ZFP1: variants seen among roughly 807,000 people sequenced by gnomAD.
ZFP1 encodes the protein zinc finger protein 1 homolog.
In ZFP1, 32 loss-of-function variants were observed where a neutral mutation model predicts 38.5. That is an observed-to-expected ratio of 0.83 (90% CI 0.63 to 1.12). The LOEUF (loss-of-function observed/expected upper bound fraction) is 1.12. Among genes scored for constraint, ZFP1 ranks in the 50% most tolerant of loss-of-function variants. The pLI is 0.00. For missense variants in ZFP1, 616 were observed against 480.8 expected (o/e 1.28, Z -2.63); for synonymous variants, 245 against 168.8 (o/e 1.45, Z -3.50).
At chr16:75,127,581 A>G in the ZFP1 span, among the ~76,000 whole-genome samples, 1 of 152,140 alleles carries the variant, frequency 6.6e-6, no homozygotes, top group African/African-American at 2.4e-5. Flanking sequence ...TCAGCCTCCC[A>G]AAGTGCTGAA....
the ZFP1 span, among the ~76,000 whole-genome samples, chr16:75,124,170 T>TC: frequency 6.6e-6 from 1 of 151,560 alleles, no homozygotes; most frequent in East Asian, 2.0e-4. Context: ...ATTGAAAGTT[T>TC]TTTTTTTTTG....
At chr16:75,164,706 GT>G in intron 2 of ZFP1, among the ~76,000 whole-genome samples, 1 of 152,138 alleles carries the variant, frequency 6.6e-6, no homozygotes, top group East Asian at 1.9e-4. Flanking sequence ...GCTAAGAATG[GT>G]TTTTAATTTT....
intron 1 of ZFP1, chr16:75,148,953 C>A (rs1388949169): frequency 6.6e-6 from 1 of 151,936 alleles, no homozygotes; most frequent in African/African-American, 2.4e-5. Flanking sequence ...GGAGCGAGTT[C>A]TGGAGCCCCG....
chr16:75,124,011 T>G, the ZFP1 span, among the ~76,000 whole-genome samples: 1 of 151,462 alleles, frequency 6.6e-6, no homozygotes, highest in Non-Finnish European at 1.5e-5. Context: ...GGAGAATCAC[T>G]TGAACCCAGG....
At chr16:75,161,997 C>T (rs1268913673) in intron 2 of ZFP1, among the ~76,000 whole-genome samples, 1 of 150,774 alleles carries the variant, frequency 6.6e-6, no homozygotes, top group East Asian at 2.0e-4. Flanking sequence ...GTTGGCCAGG[C>T]TGGTCTCGAA....
the ZFP1 span, chr16:75,127,817 GT>G: frequency 6.6e-6 from 1 of 152,100 alleles, no homozygotes; most frequent in Non-Finnish European, 1.5e-5. Flanking sequence ...GCTGATCTTT[GT>G]TTTGCTTTTC....
the ZFP1 span, among the ~76,000 whole-genome samples, chr16:75,142,703 T>C: frequency 6.6e-6 from 1 of 152,320 alleles, no homozygotes; most frequent in South Asian, 2.1e-4. Context: ...TGTTATTTTA[T>C]CTATATTTTT....
chr16:75,150,269 C>T (rs570491185), intron 1 of ZFP1, among the ~76,000 whole-genome samples: 4 of 147,262 alleles, frequency 2.7e-5, no homozygotes, highest in Non-Finnish European at 5.9e-5. Context: ...AGTGCAGTAG[C>T]GAGATCTCGG....
At chr16:75,149,543 CTT>C (rs894936420) in intron 1 of ZFP1, among the ~76,000 whole-genome samples, 51 of 131,120 alleles carry the variant, frequency 3.9e-4, no homozygotes, top group African/African-American at 1.3e-3. Flanking sequence ...TGTACCGTTT[CTT>C]TTCTTTACTT....
At position 75,171,337 on chromosome 16, in the gene ZFP1, AC is replaced by A. The variant is rs2038422590; in HGVS notation, c.*1004del. 1 of 152,184 alleles carries A rather than the reference AC, an allele frequency of 6.6e-6. No homozygotes were observed. Among genetic ancestry groups the A allele is most frequent in the Admixed American group, 6.5e-5 (1 of 15,268 alleles). The allele number at this position is 152,184 out of a possible 1,614,324, so 9.4% of individuals were successfully genotyped here. On this transcript the variant is annotated 3_prime_UTR_variant, in exon 4 of 4. Transcript: ENST00000570010. Reference sequence around the variant, plus strand: ...TTTAGAGGAAAAATTATTTTAAATAACTGTCAACTGTTTCATTGCTTTTTAA... The same window carrying A: ...TTTAGAGGAAAAATTATTTTAAATAATGTCAACTGTTTCATTGCTTTTTAA...
chr16:75,130,760 G>C, the ZFP1 span, among the ~76,000 whole-genome samples: 1 of 151,894 alleles, frequency 6.6e-6, no homozygotes, highest in African/African-American at 2.4e-5. Context: ...TGCCTGCCTA[G>C]CTACCTACCG....
At chr16:75,135,187 G>A in the ZFP1 span, among the ~76,000 whole-genome samples, 3 of 111,080 alleles carry the variant, frequency 2.7e-5, no homozygotes, top group African/African-American at 7.2e-5. Flanking sequence ...TCCAGCCTGG[G>A]TGACAGAGTG....
intron 2 of ZFP1, among the ~76,000 whole-genome samples, chr16:75,159,282 C>G (rs1361022319): frequency 6.7e-5 from 7 of 104,648 alleles, no homozygotes; most frequent in African/African-American, 1.6e-4. Context: ...CCTCACTTCC[C>G]TTCCTTCCCT....
rs775977714 is a variant in ZFP1 at position 75,170,067 on chromosome 16, G to A, written c.957G>A (p.Thr319=). 5.6e-6 allele frequency: 9 copies of A among 1,614,074 alleles called. No individual in the cohort carries two copies. The highest frequency in any genetic ancestry group is 1.1e-5 in the South Asian group (1 of 91,082). The part of the protein sequence containing the change: ...SNLIIHQKIH[T]GEKRYECSEC... Reference sequence around the variant, plus strand: ...TTATCATACATCAGAAGATTCACACGGGGGAGAAACGCTATGAGTGCAGTG... The same window carrying A: ...TTATCATACATCAGAAGATTCACACAGGGGAGAAACGCTATGAGTGCAGTG... The change falls in exon 4 of 4, where the codon ACG becomes ACA. Residue 319 remains threonine (T), a synonymous_variant. Transcript: ENST00000570010.
intron 3 of ZFP1, among the ~76,000 whole-genome samples, chr16:75,167,420 TATAG>T (rs2038155197): frequency 1.3e-5 from 2 of 152,240 alleles, no homozygotes; most frequent in Admixed American, 1.3e-4. Context: ...TGTTTAATCT[TATAG>T]ATATTTGCCT....
chr16:75,138,150 C>A, the ZFP1 span, among the ~76,000 whole-genome samples: 1 of 149,942 alleles, frequency 6.7e-6, no homozygotes, highest in African/African-American at 2.5e-5. Flanking sequence ...GATTCTCCTG[C>A]CTCAGCCTCT....
chr16:75,166,855 T>C lies in ZFP1; in HGVS notation c.101T>C (p.Met34Thr), dbSNP rs780246252. ...GACCCCTCTCAGAGGATCCTATACA[T>C]GGATGTGATGCTGGAGAATTATAGC... ...QLDPSQRILYMDVMLENYSNL... is the reference protein window; with the variant it reads ...QLDPSQRILYTDVMLENYSNL... The change falls in exon 3 of 4, where the codon ATG (methionine) becomes ACG (threonine). Residue 34 changes from methionine (M) to threonine (T), a missense_variant. Physicochemically the swap from Met to Thr is moderately conservative, Grantham distance 81. Coordinates refer to ENST00000570010, the MANE Select transcript of ZFP1 (RefSeq NM_153688.4). The C allele has an allele frequency of 3.1e-6, 5 of 1,614,112 alleles. No individual in the cohort carries two copies. The highest frequency in any genetic ancestry group is 3.3e-5 in the Admixed American group (2 of 60,018).
chr16:75,145,311 C>G (rs1386565021), upstream of ZFP1, among the ~76,000 whole-genome samples: 1 of 152,178 alleles, frequency 6.6e-6, no homozygotes, highest in South Asian at 2.1e-4. Context: ...AATTCTTATT[C>G]ATTGTTGGTG....
chr16:75,128,370 A>C, the ZFP1 span, among the ~76,000 whole-genome samples: 1 of 152,236 alleles, frequency 6.6e-6, no homozygotes, highest in African/African-American at 2.4e-5. Context: ...CCAGTTTAAA[A>C]GCCTGTGTAA....
Sources: allele counts gnomAD v4.1 joint callset (sites outside exome capture counted in the v4.1 genomes callset), GRCh38; gene constraint gnomAD v4.1.1; transcripts MANE v1.5; gene names NCBI Gene and HGNC (gene_info 2026-07-23, HGNC 2026-07-21).